Variants in IDO2 observed in about 807,000 individuals in gnomAD.
IDO2 encodes indoleamine 2,3-dioxygenase-like 1 protein.
Under a neutral mutation model 45.1 loss-of-function variants are expected in IDO2, and 46 were observed. The ratio of observed to expected loss-of-function variants is 1.02; its 90% CI spans 0.80 to 1.30. The LOEUF is 1.30. Among genes scored for constraint, IDO2 ranks in the 50% most tolerant of loss-of-function variants. The pLI, the probability that IDO2 is intolerant of heterozygous loss-of-function variation, is 0.00. For missense variants in IDO2, 544 were observed against 491.8 expected, an observed-to-expected ratio of 1.11 and a Z score of -1.00; for synonymous variants, 218 against 184.9, an observed-to-expected ratio of 1.18 and a Z score of -1.45.
chr8:39,982,232 GTGTGTATATATATATATA>G (rs1808364102), intron 4 of IDO2, among the ~76,000 whole-genome samples: 1 of 65,864 alleles, frequency 1.5e-5, no homozygotes, highest in Non-Finnish European at 2.9e-5. Context: ...CTCTATATAT[GTGTGTATATATATATATA>G]TATGTATATA....
intron 2 of IDO2, among the ~76,000 whole-genome samples, chr8:39,950,547 C>G (rs1386525670): frequency 6.6e-6 from 1 of 152,136 alleles, no homozygotes; most frequent in African/African-American, 2.4e-5. Context: ...AACAAATGAT[C>G]TCTCAGCAAA....
chr8:39,949,709 G>T (rs1387596581), intron 2 of IDO2, among the ~76,000 whole-genome samples: 1 of 152,164 alleles, frequency 6.6e-6, no homozygotes, highest in East Asian at 1.9e-4. Flanking sequence ...CTACATGTTT[G>T]TAATGCAGAT....
At chr8:39,989,675 C>T (rs1406280055) in intron 7 of IDO2, 46 bp from the exon 8 acceptor site, 6 of 1,347,814 alleles carry the variant, frequency 4.5e-6, no homozygotes, top group Non-Finnish European at 6.2e-6. Flanking sequence ...CCTGCATGGA[C>T]TTTAAGGGAG....
intron 3 of IDO2, among the ~76,000 whole-genome samples, chr8:39,967,275 A>C (rs1418399205): frequency 2.0e-5 from 3 of 152,200 alleles, no homozygotes; most frequent in Non-Finnish European, 1.5e-5. Context: ...ATAAGCACAA[A>C]ATTTTTAGAC....
At chr8:40,001,540 G>A (rs1451072634) in intron 8 of IDO2, among the ~76,000 whole-genome samples, 4 of 151,508 alleles carry the variant, frequency 2.6e-5, no homozygotes, top group African/African-American at 7.3e-5. Context: ...GAGCCACTGC[G>A]CCCAGCCATC....
At chr8:39,990,715 A>G (rs1357522073) in intron 8 of IDO2, among the ~76,000 whole-genome samples, 1 of 152,194 alleles carries the variant, frequency 6.6e-6, no homozygotes, top group Non-Finnish European at 1.5e-5. Context: ...TTATTATGGC[A>G]CATGTATTCC....
intron 1 of IDO2, among the ~76,000 whole-genome samples, chr8:39,942,885 G>T (rs532755083): frequency 7.4e-4 from 113 of 152,220 alleles, no homozygotes; most frequent in African/African-American, 2.6e-3. Context: ...GGTGCAGAGG[G>T]AATGGATGAA....
At chr8:39,942,465 T>C (rs1807658011) in intron 1 of IDO2, among the ~76,000 whole-genome samples, 1 of 152,044 alleles carries the variant, frequency 6.6e-6, no homozygotes, top group Non-Finnish European at 1.5e-5. Flanking sequence ...CCAACATGAC[T>C]AAAGCCTGTC....
chr8:40,003,660 T>C (rs1387931881), intron 8 of IDO2, among the ~76,000 whole-genome samples: 1 of 152,206 alleles, frequency 6.6e-6, no homozygotes, highest in African/African-American at 2.4e-5. Context: ...TTTTTATTTA[T>C]AAATCATATT....
chr8:39,981,383 T>C (rs1393203447), intron 4 of IDO2, among the ~76,000 whole-genome samples: 1 of 152,152 alleles, frequency 6.6e-6, no homozygotes, highest in Non-Finnish European at 1.5e-5. Flanking sequence ...GTGTGTCTGA[T>C]GCTGAAAAGT....
intron 3 of IDO2, among the ~76,000 whole-genome samples, chr8:39,965,626 A>T (rs2160860): frequency 0.37 from 55,639 of 152,110 alleles, 10,693 homozygotes; most frequent in East Asian, 0.58. Flanking sequence ...GTGTGTACAG[A>T]TGTATTCGAG....
chr8:39,949,030 T>C, intron 1 of IDO2, 119 bp from the exon 2 acceptor site: 3 of 1,330,612 alleles, frequency 2.3e-6, no homozygotes, highest in Non-Finnish European at 3.0e-6. Flanking sequence ...GAATTCAACC[T>C]CAGGGAAAAG....
At chr8:39,963,490 G>A (rs1181317474) in intron 2 of IDO2, 118 bp from the exon 3 acceptor site, 5 of 631,708 alleles carry the variant, frequency 7.9e-6, no homozygotes, top group South Asian at 5.9e-5. Flanking sequence ...CATTCTCAAT[G>A]TTCGTTCAAC....
chr8:39,970,955 C>T (rs764908608), intron 3 of IDO2, among the ~76,000 whole-genome samples: 52 of 151,790 alleles, frequency 3.4e-4, no homozygotes, highest in African/African-American at 1.1e-3. Flanking sequence ...TTAGTAGAGA[C>T]GGGGTTTCAC....
chr8:39,980,626 G>A (rs1178627506), intron 4 of IDO2, among the ~76,000 whole-genome samples: 3 of 152,162 alleles, frequency 2.0e-5, no homozygotes, highest in Non-Finnish European at 4.4e-5. Flanking sequence ...AGAACAGCCT[G>A]TGCCCATCGT....
chr8:39,938,746 A>G (rs1807594729), intron 1 of IDO2, among the ~76,000 whole-genome samples: 1 of 152,244 alleles, frequency 6.6e-6, no homozygotes, highest in Non-Finnish European at 1.5e-5. Context: ...AAAAATAAGA[A>G]AATGAACAAC....
chr8:39,942,500 C>T (rs1021521918), intron 1 of IDO2, among the ~76,000 whole-genome samples: 1 of 152,090 alleles, frequency 6.6e-6, no homozygotes, highest in African/African-American at 2.4e-5. Flanking sequence ...AATTACCCAG[C>T]GTGGTGGCGG....
At chr8:39,974,567 G>A (rs1269035176) in intron 3 of IDO2, among the ~76,000 whole-genome samples, 2 of 152,136 alleles carry the variant, frequency 1.3e-5, no homozygotes, top group African/African-American at 4.8e-5. Context: ...TGGATCACCT[G>A]AGATCAGGAG....
chr8:39,981,959 A>G (rs2129594477), intron 4 of IDO2, among the ~76,000 whole-genome samples: 1 of 152,134 alleles, frequency 6.6e-6, no homozygotes, highest in Admixed American at 6.6e-5. Flanking sequence ...GGCTTACTTG[A>G]AGGTATTACT....
Sources: gnomAD v4.1 joint callset for allele counts (sites outside exome capture counted in the v4.1 genomes callset) on GRCh38, gnomAD v4.1.1 for gene constraint, MANE v1.5 for transcripts, NCBI Gene and HGNC (gene_info 2026-07-23, HGNC 2026-07-21) for gene names.